The following RBPJ variants were observed in gnomAD, a reference collection of about 807,000 sequenced individuals.
RBPJ encodes recombining binding protein suppressor of hairless.
A neutral mutation model predicts 67.8 loss-of-function variants in RBPJ; 9 were observed. The ratio of observed to expected loss-of-function variants is 0.13; its 90% confidence interval spans 0.08 to 0.23. The LOEUF is 0.23. RBPJ is among the 10% of genes least tolerant of loss of function. The pLI, the probability that RBPJ is intolerant of heterozygous loss-of-function variation, is 1.00. For synonymous variants in RBPJ, 198 were observed against 203.3 expected, an observed-to-expected ratio of 0.97 and a Z score of 0.22; for missense variants, 305 against 595.6, an observed-to-expected ratio of 0.51 and a Z score of 5.08.
intron 1 of RBPJ, among the ~76,000 whole-genome samples, chr4:26,288,695 G>C (rs563463329): frequency 8.5e-5 from 13 of 152,328 alleles, no homozygotes; most frequent in Admixed American, 7.2e-4. Flanking sequence ...GCTCAGCCCT[G>C]CAAGACAGGG....
chr4:26,273,825 T>C (rs16878236), intron 1 of RBPJ, among the ~76,000 whole-genome samples: 15,437 of 152,170 alleles, frequency 0.1, 1,045 homozygotes, highest in African/African-American at 0.19. Context: ...CCAACGGTTC[T>C]TCCCTCTTCT....
intron 1 of RBPJ, among the ~76,000 whole-genome samples, chr4:26,181,742 A>C (rs1717004901): frequency 6.6e-6 from 1 of 152,214 alleles, no homozygotes; most frequent in South Asian, 2.1e-4. Flanking sequence ...AATGGGAAGC[A>C]TTTGTGTATC....
intron 1 of RBPJ, among the ~76,000 whole-genome samples, chr4:26,290,666 A>G (rs1449373737): frequency 2.6e-5 from 4 of 151,040 alleles, no homozygotes; most frequent in African/African-American, 4.9e-5. Flanking sequence ...CAGTTCTGCC[A>G]TAAAAGAAAT....
chr4:26,165,780 T>C lies in RBPJ; in HGVS notation c.-167+2166T>C, dbSNP rs184053237. Among the ~76,000 whole-genome samples the C allele has an allele frequency of 3.4e-3, 521 of 151,960 alleles. 8 individuals are homozygous for C. The highest frequency in any genetic ancestry group is 3.4e-3 in the Middle Eastern group (1 of 294). On this transcript the variant is annotated intron_variant, in intron 1 of 4. Coordinates refer to the RBPJ transcript ENST00000512351. ...GTGCACAATGTGCAGGTTAGTTACA[T>C]ATGTATACATGTGCTATGCTGGTGT...
intron 1 of RBPJ, among the ~76,000 whole-genome samples, chr4:26,294,203 T>C (rs1721778829): frequency 6.6e-6 from 1 of 152,102 alleles, no homozygotes; most frequent in Non-Finnish European, 1.5e-5. Flanking sequence ...GTTCAAGCAA[T>C]TCTCCTGCCT....
Position 26,264,068 on chromosome 4 carries a change from GGTTTCACTAT to G in RBPJ, c.-166-98374_-166-98365del, listed in dbSNP as rs1720633925. The stretch of plus-strand genomic sequence containing the variant: ...CTTTGTGTTTTTTTAGTAGAGACGG[GGTTTCACTAT>G]GTTGGCCAGGCTGCAGGCTGGTCTT... On this transcript the variant is annotated intron_variant, in intron 1 of 4. Transcript: ENST00000512351. The surrounding 1 kb of genome is among the most constrained non-coding windows in gnomAD (Gnocchi z 4.1). 6.6e-6 allele frequency among the ~76,000 whole-genome samples: 1 copy of G among 151,176 alleles called. No homozygotes were observed. Among genetic ancestry groups the G allele is most frequent in the Admixed American group, 6.6e-5 (1 of 15,144 alleles).
intron 1 of RBPJ, among the ~76,000 whole-genome samples, chr4:26,189,312 A>G (rs1378871563): frequency 1.3e-5 from 2 of 152,204 alleles, no homozygotes; most frequent in African/African-American, 4.8e-5. Context: ...CTACATCTCT[A>G]TACTGCAAAA....
At chr4:26,225,199 C>T (rs1719039332) in intron 1 of RBPJ, among the ~76,000 whole-genome samples, 1 of 152,174 alleles carries the variant, frequency 6.6e-6, no homozygotes, top group Non-Finnish European at 1.5e-5. Context: ...TTTAAGAGAA[C>T]TCATTGCTTT....
chr4:26,224,626 C>G (rs985752520), intron 1 of RBPJ, among the ~76,000 whole-genome samples: 1 of 151,980 alleles, frequency 6.6e-6, no homozygotes, highest in South Asian at 2.1e-4. Flanking sequence ...CCAAAGTGCT[C>G]GGATTATGGG....
chr4:26,144,323 T>A, the RBPJ span, among the ~76,000 whole-genome samples: 99 of 133,774 alleles, frequency 7.4e-4, no homozygotes, highest in Admixed American at 4.6e-3. Context: ...TGGGCTGGAG[T>A]GCAGTAGTGC....
chr4:26,380,141 G>T (rs1560308130), intron 1 of RBPJ, among the ~76,000 whole-genome samples: 1 of 152,164 alleles, frequency 6.6e-6, no homozygotes, highest in East Asian at 1.9e-4. Flanking sequence ...GGTGGAGAAT[G>T]AGTAAACTTT....
At chr4:26,127,160 G>T in the RBPJ span, among the ~76,000 whole-genome samples, 1 of 152,228 alleles carries the variant, frequency 6.6e-6, no homozygotes, top group Non-Finnish European at 1.5e-5. Context: ...ACTGAGGGCT[G>T]TCTGTTGGCA....
At chr4:26,252,148 G>A (rs1425724352) in intron 1 of RBPJ, among the ~76,000 whole-genome samples, 1 of 151,718 alleles carries the variant, frequency 6.6e-6, no homozygotes, top group African/African-American at 2.4e-5. Context: ...ATGTCGGCAT[G>A]AAGTTTGAGC....
upstream of RBPJ, among the ~76,000 whole-genome samples, chr4:26,316,655 GAT>G (rs200406295): frequency 1.8e-3 from 197 of 110,206 alleles, 2 homozygotes; most frequent in South Asian, 0.011. Flanking sequence ...TACACATATT[GAT>G]ATATATATAT....
intron 1 of RBPJ, among the ~76,000 whole-genome samples, chr4:26,292,665 A>G (rs1577395896): frequency 6.7e-6 from 1 of 150,334 alleles, no homozygotes; most frequent in African/African-American, 2.4e-5. Flanking sequence ...CAAGTGAGCC[A>G]CCTGCCTTGG....
intron 1 of RBPJ, among the ~76,000 whole-genome samples, chr4:26,178,159 T>C (rs1324739755): frequency 6.6e-6 from 1 of 152,224 alleles, no homozygotes; most frequent in Non-Finnish European, 1.5e-5. Context: ...TAGAAACTAA[T>C]ATAAAGTGGC....
At chr4:26,304,252 T>C (rs1722163935) in intron 1 of RBPJ, among the ~76,000 whole-genome samples, 1 of 152,258 alleles carries the variant, frequency 6.6e-6, no homozygotes, top group African/African-American at 2.4e-5. Flanking sequence ...TCTTCATCAG[T>C]TGATGGACAT....
the RBPJ span, among the ~76,000 whole-genome samples, chr4:26,153,944 T>A: frequency 6.6e-6 from 1 of 151,828 alleles, no homozygotes. Context: ...TGAGACTCCC[T>A]CTCAAAAAAA....
At chr4:26,168,337 A>C (rs1716403717) in intron 1 of RBPJ, among the ~76,000 whole-genome samples, 1 of 151,932 alleles carries the variant, frequency 6.6e-6, no homozygotes, top group Admixed American at 6.6e-5. Flanking sequence ...TATGAAGCTT[A>C]GTTTGGCTGG....
Sources: allele counts gnomAD v4.1 joint callset (sites outside exome capture counted in the v4.1 genomes callset), GRCh38; gene constraint gnomAD v4.1.1; non-coding constraint Gnocchi (gnomAD v3.1); transcripts MANE v1.5; gene names NCBI Gene and HGNC (gene_info 2026-07-23, HGNC 2026-07-21).